The following METTL15 variants were observed in gnomAD, a reference collection of about 807,000 sequenced individuals.
METTL15 encodes 12S rRNA N(4)-cytidine methyltransferase METTL15.
In METTL15, 34 loss-of-function variants were observed where a neutral mutation model predicts 38.3. That is an observed-to-expected ratio of 0.89 (90% confidence interval 0.68 to 1.18). The LOEUF is 1.18. Among genes scored for constraint, METTL15 ranks in the 50% most tolerant of loss-of-function variants. METTL15 has a pLI of 0.00. For missense variants in METTL15, 438 were observed against 498.4 expected (o/e 0.88, Z 1.15); for synonymous variants, 162 against 170.9 (o/e 0.95, Z 0.41).
chr11:28,394,080 G>A (rs1244704301), intron 5 of METTL15, among the ~76,000 whole-genome samples: 1 of 152,100 alleles, frequency 6.6e-6, no homozygotes, highest in Admixed American at 6.6e-5. Context: ...CACCTTGTAA[G>A]TAGGGTTGGT....
At chr11:28,516,089 A>G (rs781138266) in intron 6 of METTL15, among the ~76,000 whole-genome samples, 27 of 152,252 alleles carry the variant, frequency 1.8e-4, no homozygotes, top group Non-Finnish European at 3.5e-4. Context: ...AGAGAGGTGA[A>G]TAAGACTCAA....
intron 6 of METTL15, among the ~76,000 whole-genome samples, chr11:28,469,738 A>C (rs1187723719): frequency 6.6e-6 from 1 of 152,180 alleles, no homozygotes; most frequent in African/African-American, 2.4e-5. Flanking sequence ...TATTATTATT[A>C]GAGAAAGTAT....
chr11:28,114,994 G>A (rs535422195), intron 3 of METTL15, among the ~76,000 whole-genome samples: 1 of 152,254 alleles, frequency 6.6e-6, no homozygotes, highest in Non-Finnish European at 1.5e-5. Context: ...AGGAATGGCT[G>A]GAGACAAAGA....
chr11:28,503,157 A>C (rs1217386431), intron 6 of METTL15, among the ~76,000 whole-genome samples: 1 of 152,162 alleles, frequency 6.6e-6, no homozygotes, highest in Non-Finnish European at 1.5e-5. Context: ...AGTATTGGTA[A>C]AGTACAAACT....
chr11:28,365,642 C>G (rs1049865742), intron 5 of METTL15, among the ~76,000 whole-genome samples: 1 of 152,010 alleles, frequency 6.6e-6, no homozygotes, highest in Non-Finnish European at 1.5e-5. Context: ...TTGTGGGAAT[C>G]CATTCATAAG....
At chr11:28,398,012 T>G (rs1850590395) in intron 5 of METTL15, among the ~76,000 whole-genome samples, 1 of 151,886 alleles carries the variant, frequency 6.6e-6, no homozygotes, top group Non-Finnish European at 1.5e-5. Context: ...CACCGCATGT[T>G]CTCACTCATA....
At chr11:28,457,492 C>G (rs1272723740) in intron 6 of METTL15, among the ~76,000 whole-genome samples, 1 of 152,186 alleles carries the variant, frequency 6.6e-6, no homozygotes, top group African/African-American at 2.4e-5. Context: ...TTTTGATCCA[C>G]TCAAGCAGTC....
At chr11:28,149,978 ACT>A (rs1383457607) in intron 3 of METTL15, among the ~76,000 whole-genome samples, 1 of 151,918 alleles carries the variant, frequency 6.6e-6, no homozygotes, top group Non-Finnish European at 1.5e-5. Flanking sequence ...ATAAATTTAC[ACT>A]CTCAGCAAAC....
intron 4 of METTL15, among the ~76,000 whole-genome samples, chr11:28,355,463 G>GT (rs542862784): frequency 5.9e-5 from 9 of 152,176 alleles, no homozygotes; most frequent in African/African-American, 1.9e-4. Context: ...CTACACCTCT[G>GT]TTTCTTCATT....
At chr11:28,247,528 A>G (rs555583187) in intron 4 of METTL15, among the ~76,000 whole-genome samples, 1 of 152,248 alleles carries the variant, frequency 6.6e-6, no homozygotes, top group South Asian at 2.1e-4. Flanking sequence ...TTCATACTTT[A>G]ATGTCATAAA....
intron 4 of METTL15, among the ~76,000 whole-genome samples, chr11:28,215,240 A>G (rs1003728495): frequency 3.7e-4 from 57 of 152,170 alleles, no homozygotes; most frequent in African/African-American, 1.3e-3. Flanking sequence ...CTTTATGGCC[A>G]TTTATTCTAT....
chr11:28,336,974 A>T (rs2133350890), downstream of METTL15, among the ~76,000 whole-genome samples: 1 of 152,278 alleles, frequency 6.6e-6, no homozygotes, highest in African/African-American at 2.4e-5. Context: ...TTCCAGTGGG[A>T]CAAGATGCAG....
intron 6 of METTL15, among the ~76,000 whole-genome samples, chr11:28,506,996 C>A (rs1851633524): frequency 6.6e-6 from 1 of 152,146 alleles, no homozygotes; most frequent in South Asian, 2.1e-4. Flanking sequence ...CTGCCTACTT[C>A]AGCCTCCCAA....
At chr11:28,258,732 G>A (rs1855075411) in intron 4 of METTL15, among the ~76,000 whole-genome samples, 1 of 152,072 alleles carries the variant, frequency 6.6e-6, no homozygotes, top group African/African-American at 2.4e-5. Flanking sequence ...TTGTCAGCTT[G>A]TGGTAAATGC....
intron 4 of METTL15, among the ~76,000 whole-genome samples, chr11:28,218,437 A>C (rs2133856214): frequency 6.6e-6 from 1 of 152,302 alleles, no homozygotes; most frequent in South Asian, 2.1e-4. Flanking sequence ...GAAGTTGCTT[A>C]TCAGCTTAAA....
intron 2 of METTL15, among the ~76,000 whole-genome samples, chr11:28,111,955 C>T (rs971873320): frequency 1.3e-5 from 2 of 151,916 alleles, no homozygotes; most frequent in Non-Finnish European, 2.9e-5. Flanking sequence ...TTAGATCACT[C>T]ATTCCCCCCC....
At chr11:28,320,904 T>G (rs1849444410) in intron 6 of METTL15, among the ~76,000 whole-genome samples, 1 of 152,140 alleles carries the variant, frequency 6.6e-6, no homozygotes, top group Non-Finnish European at 1.5e-5. Context: ...AGTACTACTT[T>G]GTAAATTTGA....
At chr11:28,505,237 C>A (rs1590397433) in intron 6 of METTL15, among the ~76,000 whole-genome samples, 1 of 152,102 alleles carries the variant, frequency 6.6e-6, no homozygotes, top group Non-Finnish European at 1.5e-5. Context: ...GAATGAAGAT[C>A]TATCACTTTC....
At chr11:28,140,808 TGAA>T (rs1324786576) in intron 3 of METTL15, among the ~76,000 whole-genome samples, 1 of 152,188 alleles carries the variant, frequency 6.6e-6, no homozygotes, top group Non-Finnish European at 1.5e-5. Flanking sequence ...GTATAAGGTG[TGAA>T]TTCCTTGTCG....
Sources: gnomAD v4.1 joint callset for allele counts (sites outside exome capture counted in the v4.1 genomes callset) on GRCh38, gnomAD v4.1.1 for gene constraint, MANE v1.5 for transcripts, NCBI Gene and HGNC (gene_info 2026-07-23, HGNC 2026-07-21) for gene names.